NTRK2: variants seen among roughly 807,000 people sequenced by gnomAD.
The protein encoded by NTRK2 is neurotrophic receptor tyrosine kinase 2.
A neutral mutation model predicts 94.5 loss-of-function variants in NTRK2; 13 were observed. The ratio of observed to expected loss-of-function variants is 0.14; its 90% CI spans 0.09 to 0.22. The LOEUF (loss-of-function observed/expected upper bound fraction) is 0.22, where lower values mean the gene tolerates loss of function less well. Among genes scored for constraint, NTRK2 ranks in the 10% least tolerant of loss-of-function variants. The probability of loss-of-function intolerance (pLI) is 1.00; values close to 1 mark genes in which losing one functional copy is unlikely to be tolerated. For missense variants in NTRK2, 639 were observed against 1,071.2 expected (o/e 0.60, Z 5.63); for synonymous variants, 372 against 407.4 (o/e 0.91, Z 1.05).
chr9:84,812,748 T>C, intron 12 of NTRK2: 1 of 1,040,332 alleles, frequency 9.6e-7, no homozygotes. Context: ...TTTTAAAGTG[T>C]TCCAGACCCA....
chr9:84,707,135 A>T (rs987251401), intron 4 of NTRK2, among the ~76,000 whole-genome samples: 23 of 152,176 alleles, frequency 1.5e-4, no homozygotes, highest in Non-Finnish European at 1.6e-4. Flanking sequence ...ATAGAATCAA[A>T]TTACATGTTT....
chr9:84,761,535 T>A (rs1436645993), intron 12 of NTRK2, among the ~76,000 whole-genome samples: 1 of 152,164 alleles, frequency 6.6e-6, no homozygotes, highest in South Asian at 2.1e-4. Context: ...AGCTTTAATA[T>A]CTACCACCTT....
At chr9:84,935,561 G>T (rs7873976) in intron 15 of NTRK2, among the ~76,000 whole-genome samples, 8,036 of 152,130 alleles carry the variant, frequency 0.053, 721 homozygotes, top group African/African-American at 0.18. Flanking sequence ...TCCTAGGAAT[G>T]ATAAATGTAA....
intron 12 of NTRK2, chr9:84,815,221 T>C (rs1357257922): frequency 1.1e-5 from 12 of 1,056,742 alleles, no homozygotes; most frequent in Non-Finnish European, 1.4e-5. Context: ...AGTGTTGCAG[T>C]ATAGCTTTGG....
intron 9 of NTRK2, among the ~76,000 whole-genome samples, chr9:84,735,895 G>C (rs2063224399): frequency 6.6e-6 from 1 of 152,198 alleles, no homozygotes; most frequent in African/African-American, 2.4e-5. Flanking sequence ...GTTTCTTTTT[G>C]AGTAGAATTT....
intron 12 of NTRK2, among the ~76,000 whole-genome samples, chr9:84,823,312 G>A (rs2072970597): frequency 6.6e-6 from 1 of 152,132 alleles, no homozygotes; most frequent in African/African-American, 2.4e-5. Flanking sequence ...TATCATGACA[G>A]CTCTTGTTAT....
chr9:84,855,659 A>G (rs2075030828), intron 12 of NTRK2, among the ~76,000 whole-genome samples: 1 of 151,532 alleles, frequency 6.6e-6, no homozygotes, highest in Admixed American at 6.6e-5. Flanking sequence ...AAAGTGGATC[A>G]CAGTTCAAAC....
intron 17 of NTRK2, among the ~76,000 whole-genome samples, chr9:84,955,797 T>G (rs1824043584): frequency 6.6e-6 from 1 of 152,164 alleles, no homozygotes; most frequent in African/African-American, 2.4e-5. Flanking sequence ...AGGCCTAAAT[T>G]TCTTCTTTTA....
At chr9:84,914,881 T>TAA (rs2077348354) in intron 14 of NTRK2, among the ~76,000 whole-genome samples, 1 of 152,208 alleles carries the variant, frequency 6.6e-6, no homozygotes, top group Non-Finnish European at 1.5e-5. Flanking sequence ...TTCAGTCTTC[T>TAA]TATGTTTGCT....
intron 12 of NTRK2, among the ~76,000 whole-genome samples, chr9:84,799,663 TGG>T (rs1215206445): frequency 6.6e-6 from 1 of 152,062 alleles, no homozygotes; most frequent in Non-Finnish European, 1.5e-5. Flanking sequence ...ATGTTCAGCA[TGG>T]GAGGGCATTT....
chr9:84,973,993 C>T (rs1826499044), intron 17 of NTRK2, among the ~76,000 whole-genome samples: 1 of 70,456 alleles, frequency 1.4e-5, no homozygotes, highest in Admixed American at 1.3e-4. Context: ...CCCCATGAAT[C>T]ATCAGAAGAT....
chr9:84,977,417 A>G (rs1337265682), intron 17 of NTRK2, among the ~76,000 whole-genome samples: 4 of 152,242 alleles, frequency 2.6e-5, no homozygotes, highest in Admixed American at 6.5e-5. Context: ...TCTAAATAGC[A>G]TAAAGGATGC....
chr9:84,720,843 A>T (rs2062013280), intron 6 of NTRK2, among the ~76,000 whole-genome samples: 1 of 152,222 alleles, frequency 6.6e-6, no homozygotes, highest in African/African-American at 2.4e-5. Context: ...TAAAAAATTG[A>T]CAGAGGAATG....
chr9:84,907,760 T>C (rs550833857), intron 14 of NTRK2, among the ~76,000 whole-genome samples: 1 of 151,794 alleles, frequency 6.6e-6, no homozygotes, highest in Admixed American at 6.6e-5. Context: ...ATAAAGGTGG[T>C]TGTGGACTTT....
In NTRK2 at chr9:84,926,191, TTTCTTTCTTTC is replaced by T. The variant is rs1305267700; in HGVS notation, c.1634-7968_1634-7958del. 3.6e-3 allele frequency among the ~76,000 whole-genome samples: 497 copies of T among 139,356 alleles called. 5 individuals carry two copies. Among genetic ancestry groups the T allele is most frequent in the African/African-American group, 0.013 (464 of 37,062 alleles). The allele number at this position is 139,356 out of a possible 152,430, so 91.4% of individuals were successfully genotyped here. ...CTTCCTTTCTTTCTTTCTTTCTTTC[TTTCTTTCTTTC>T]TTTCTTTCTTTCTTTCTTTCTTTCT... On this transcript the variant is annotated intron_variant, in intron 14 of 18. Coordinates refer to ENST00000277120, the MANE Select transcript of NTRK2 (RefSeq NM_006180.6).
At chr9:84,792,999 C>T (rs1376863640) in intron 12 of NTRK2, among the ~76,000 whole-genome samples, 1 of 152,122 alleles carries the variant, frequency 6.6e-6, no homozygotes. Context: ...TCACCATCAT[C>T]ACCATCATTA....
At chr9:84,940,246 T>C (rs148959963) in intron 15 of NTRK2, among the ~76,000 whole-genome samples, 146 of 152,310 alleles carry the variant, frequency 9.6e-4, no homozygotes, top group African/African-American at 3.4e-3. Flanking sequence ...AAGTGAAAGA[T>C]GACCAACTCA....
At chr9:84,674,474 T>C (rs940027246) in intron 2 of NTRK2, among the ~76,000 whole-genome samples, 1 of 151,822 alleles carries the variant, frequency 6.6e-6, no homozygotes, top group African/African-American at 2.4e-5. Context: ...TAATTGTACT[T>C]AAAAAAAAAT....
intron 12 of NTRK2, among the ~76,000 whole-genome samples, chr9:84,817,574 C>T (rs2072509408): frequency 6.6e-6 from 1 of 152,234 alleles, no homozygotes; most frequent in South Asian, 2.1e-4. Context: ...CAGCTGGCCT[C>T]ACTAGTTCTC....
Sources: gnomAD v4.1 joint callset for allele counts (sites outside exome capture counted in the v4.1 genomes callset) on GRCh38, gnomAD v4.1.1 for gene constraint, MANE v1.5 for transcripts, NCBI Gene and HGNC (gene_info 2026-07-23, HGNC 2026-07-21) for gene names.